SAMD12: variants seen among roughly 807,000 people sequenced by gnomAD.
SAMD12 encodes sterile alpha motif domain containing 12.
Under a neutral mutation model 15.0 loss-of-function variants are expected in SAMD12, and 9 were observed. The observed-to-expected ratio is 0.60, with a 90% CI of 0.36 to 1.05. The LOEUF is 1.05. Among genes scored for constraint, SAMD12 ranks in the 50% least tolerant of loss-of-function variants. SAMD12 has a pLI of 0.01. For synonymous variants in SAMD12, 86 were observed against 90.1 expected (o/e 0.96, Z 0.25); for missense variants, 230 against 234.2 (o/e 0.98, Z 0.12).
At chr8:118,218,762 A>G (rs914025881) in intron 4 of SAMD12, among the ~76,000 whole-genome samples, 2 of 151,828 alleles carry the variant, frequency 1.3e-5, no homozygotes, top group Non-Finnish European at 2.9e-5. Flanking sequence ...TTTAAAATCA[A>G]TTTTTCCATT....
intron 2 of SAMD12, among the ~76,000 whole-genome samples, chr8:118,574,240 T>A (rs1443966878): frequency 6.6e-6 from 1 of 152,180 alleles, no homozygotes; most frequent in Non-Finnish European, 1.5e-5. Context: ...TCAAATGAAT[T>A]TAGTGGGCTC....
At chr8:118,197,007 C>T (rs1456517986) in exon 5 of SAMD12, 1 of 151,648 alleles carries the variant, frequency 6.6e-6, no homozygotes, top group African/African-American at 2.4e-5. Context: ...GTATTGTGGC[C>T]ATATTTACAT....
chr8:118,395,178 G>T (rs181227807), intron 3 of SAMD12, among the ~76,000 whole-genome samples: 1 of 152,152 alleles, frequency 6.6e-6, no homozygotes, highest in African/African-American at 2.4e-5. Flanking sequence ...CTAGCTACAG[G>T]TGAGTCAGCA....
At chr8:118,437,887 C>T (rs1028066280) in intron 3 of SAMD12, among the ~76,000 whole-genome samples, 17 of 152,264 alleles carry the variant, frequency 1.1e-4, no homozygotes, top group African/African-American at 4.1e-4. Context: ...GCTTATCCTT[C>T]CCTCAAGGGG....
intron 2 of SAMD12, among the ~76,000 whole-genome samples, chr8:118,492,694 C>T (rs1586760966): frequency 6.6e-6 from 1 of 152,030 alleles, no homozygotes; most frequent in Middle Eastern, 3.2e-3. Flanking sequence ...TCTTTCTTAC[C>T]TAACAAAAGC....
rs564393710 is a variant in SAMD12, at chr8:118,489,068, T to A, written c.193-49107A>T. ...ACATTCTGGGGAGGAGGTTGTGGTA[T>A]CTCTTTCTGTTTTTAATTTGCTTTT... On this transcript the variant is annotated intron_variant, in intron 2 of 3. Transcript: ENST00000314727. 7.8e-4 allele frequency among the ~76,000 whole-genome samples: 119 copies of A among 152,294 alleles called. 1 individual carries two copies. The highest frequency in any genetic ancestry group is 3.4e-3 in the Middle Eastern group (1 of 294).
At chr8:118,576,587 T>C (rs924591636) in intron 2 of SAMD12, among the ~76,000 whole-genome samples, 4 of 152,206 alleles carry the variant, frequency 2.6e-5, no homozygotes, top group Non-Finnish European at 5.9e-5. Flanking sequence ...CTTCCTGTGC[T>C]AGAGTACCCT....
At chr8:118,256,816 ACACACG>A (rs1012771865) in intron 4 of SAMD12, among the ~76,000 whole-genome samples, 5 of 149,416 alleles carry the variant, frequency 3.3e-5, no homozygotes, top group East Asian at 2.0e-4. Context: ...ACACACACAC[ACACACG>A]CACACATTCT....
intron 3 of SAMD12, among the ~76,000 whole-genome samples, chr8:118,420,543 GAA>G (rs1821948144): frequency 6.6e-6 from 1 of 152,140 alleles, no homozygotes; most frequent in African/African-American, 2.4e-5. Context: ...TTTTTTAGTG[GAA>G]GAGAGAGAAC....
At chr8:118,516,608 C>T (rs1229136375) in intron 2 of SAMD12, among the ~76,000 whole-genome samples, 1 of 150,634 alleles carries the variant, frequency 6.6e-6, no homozygotes, top group Non-Finnish European at 1.5e-5. Context: ...ACTTGTGACT[C>T]TTTGCTGTTG....
intron 4 of SAMD12, among the ~76,000 whole-genome samples, chr8:118,256,484 T>A (rs1017212609): frequency 6.6e-6 from 1 of 152,028 alleles, no homozygotes; most frequent in African/African-American, 2.4e-5. Flanking sequence ...AAGAACTTTA[T>A]CTAGGATAAA....
intron 4 of SAMD12, among the ~76,000 whole-genome samples, chr8:118,327,119 G>A (rs1451772539): frequency 1.3e-5 from 2 of 152,188 alleles, no homozygotes; most frequent in African/African-American, 4.8e-5. Context: ...AGAATGGACT[G>A]CTTAGAATTC....
At chr8:118,221,024 A>T (rs947426416) in intron 4 of SAMD12, among the ~76,000 whole-genome samples, 8 of 152,194 alleles carry the variant, frequency 5.3e-5, no homozygotes, top group African/African-American at 1.9e-4. Context: ...TTCTAAAAAA[A>T]AAATAACTAC....
chr8:118,284,046 A>G (rs1324030341), intron 4 of SAMD12, among the ~76,000 whole-genome samples: 4 of 152,224 alleles, frequency 2.6e-5, no homozygotes, highest in African/African-American at 9.6e-5. Flanking sequence ...CATAGCTTTC[A>G]CGACAATAAA....
chr8:118,168,638 G>A, the SAMD12 span, among the ~76,000 whole-genome samples: 1 of 152,084 alleles, frequency 6.6e-6, no homozygotes, highest in Non-Finnish European at 1.5e-5. Flanking sequence ...GGTTTGCCAG[G>A]CACACCCCAG....
chr8:118,464,408 C>T (rs1409968900), intron 2 of SAMD12, among the ~76,000 whole-genome samples: 2 of 152,036 alleles, frequency 1.3e-5, no homozygotes, highest in Non-Finnish European at 2.9e-5. Flanking sequence ...AAAGATGGGT[C>T]CAGGAAAAGC....
intron 3 of SAMD12, among the ~76,000 whole-genome samples, chr8:118,385,843 G>T (rs1292428485): frequency 1.3e-5 from 2 of 152,192 alleles, no homozygotes; most frequent in Admixed American, 6.5e-5. Flanking sequence ...AGATGTAAAA[G>T]ACTTGATTGG....
In SAMD12 at chr8:118,309,047, A is replaced by G. The variant is rs1201966695; in HGVS notation, c.433+70513T>C. 3.9e-5 allele frequency among the ~76,000 whole-genome samples: 6 copies of G among 152,138 alleles called. No homozygotes were observed. In the East Asian group the frequency reaches 9.7e-4, roughly 24 times the overall value. ...GAACAGGTGGTGTTTGTTTACATGA[A>G]TAAGTTCTTTAGTGGAAATTTCTGA... On this transcript the variant is annotated intron_variant, in intron 4 of 4. Transcript: ENST00000409003.
chr8:118,439,530 T>C (rs949143685), intron 3 of SAMD12, among the ~76,000 whole-genome samples: 7 of 152,206 alleles, frequency 4.6e-5, no homozygotes, highest in African/African-American at 1.7e-4. Flanking sequence ...TGTGAAAGAC[T>C]TCCTTCTTTC....
Sources: allele counts gnomAD v4.1 joint callset (sites outside exome capture counted in the v4.1 genomes callset), GRCh38; gene constraint gnomAD v4.1.1; transcripts MANE v1.5; gene names NCBI Gene and HGNC (gene_info 2026-07-23, HGNC 2026-07-21).